Variants in MRC2 observed in about 807,000 individuals in gnomAD.
The protein encoded by MRC2 is C-type mannose receptor 2.
MRC2 carries 84 observed loss-of-function variants against 206.2 expected under a neutral mutation model. The observed-to-expected ratio is 0.41, with a 90% CI of 0.34 to 0.49. The LOEUF (loss-of-function observed/expected upper bound fraction) is 0.49, where lower values mean the gene tolerates loss of function less well. Among genes scored for constraint, MRC2 ranks in the 20% least tolerant of loss-of-function variants. The probability of loss-of-function intolerance (pLI) is 0.31; values close to 1 mark genes in which losing one functional copy is unlikely to be tolerated. For synonymous variants in MRC2, 798 were observed against 800.0 expected (o/e 1.00, Z 0.04); for missense variants, 1,676 against 2,001.5 (o/e 0.84, Z 3.10).
chr17:62,647,226 C>T (rs1471299295), intron 1 of MRC2, among the ~76,000 whole-genome samples: 1 of 150,098 alleles, frequency 6.7e-6, no homozygotes, highest in African/African-American at 2.5e-5. Context: ...CTCTATCGCC[C>T]ATGCTGGAGT....
intron 1 of MRC2, among the ~76,000 whole-genome samples, chr17:62,655,943 G>A (rs977668186): frequency 6.6e-6 from 1 of 152,084 alleles, no homozygotes; most frequent in African/African-American, 2.4e-5. Context: ...AGGCTGGAAT[G>A]CAGTGGCGTG....
At chr17:62,651,269 A>G (rs2088552914) in intron 1 of MRC2, among the ~76,000 whole-genome samples, 1 of 152,130 alleles carries the variant, frequency 6.6e-6, no homozygotes, top group African/African-American at 2.4e-5. Flanking sequence ...CTTTTAGTAG[A>G]GACAGGGTTT....
At position 62,688,644 on chromosome 17, in the gene MRC2, G is replaced by C. The variant is rs200385260; in HGVS notation, c.3205G>C (p.Ala1069Pro). The C allele has an allele frequency of 3.1e-6, 5 of 1,613,856 alleles. No individual in the cohort carries two copies. The East Asian group carries it at 1.1e-4, about 36-fold the overall frequency. ...TGGGGAGCCCTCTGGCCCTAGCCCT[G>C]CTCCCAGTGGCAACAAACCGGTGAG... is the stretch of plus-strand genomic sequence containing the variant. ...APGEPSGPSP[A>P]PSGNKPTSCA... The change falls in exon 22 of 30, where the codon GCT (alanine) becomes CCT (proline). Residue 1069 changes from alanine to proline, a missense_variant. Around this residue, in one of 3 missense-constraint regions of MRC2, gnomAD observed 1,354 missense variants for 1,636.6 expected, o/e 0.83. Transcript: ENST00000303375.
At chr17:62,673,031 G>GA (rs1173140823) in intron 8 of MRC2, among the ~76,000 whole-genome samples, 1 of 151,976 alleles carries the variant, frequency 6.6e-6, no homozygotes, top group Non-Finnish European at 1.5e-5. Flanking sequence ...AAGCCGTAGG[G>GA]ACACAGACCA....
chr17:62,669,639 C>T (rs2088802200), intron 6 of MRC2, among the ~76,000 whole-genome samples: 1 of 152,104 alleles, frequency 6.6e-6, no homozygotes, highest in Admixed American at 6.5e-5. Flanking sequence ...AAGCGATTCT[C>T]ATCTCCAGGT....
chr17:62,656,297 G>A (rs1252271056), intron 1 of MRC2, among the ~76,000 whole-genome samples: 8 of 151,842 alleles, frequency 5.3e-5, no homozygotes, highest in Non-Finnish European at 1.0e-4. Context: ...CACCCGCCTC[G>A]GCCTCCCAAA....
chr17:62,628,065 C>G, intron 1 of MRC2, 145 bp downstream of exon 1: 1 of 529,202 alleles, frequency 1.9e-6, no homozygotes, highest in Middle Eastern at 3.1e-4. Context: ...TTTTAAAACT[C>G]GTCTCCGCTT....
chr17:62,644,926 CTTCT>C (rs2088457175), intron 1 of MRC2, among the ~76,000 whole-genome samples: 1 of 152,228 alleles, frequency 6.6e-6, no homozygotes, highest in East Asian at 1.9e-4. Context: ...CGAGTTTTCT[CTTCT>C]TTATCTTTGT....
chr17:62,667,406 C>T lies in MRC2; in HGVS notation c.990C>T (p.Pro330=), dbSNP rs2088771448. Residue 330 remains proline (P), a synonymous_variant, in exon 6 of 30, where the codon CCC becomes CCT. Transcript: ENST00000303375. The surrounding 1 kb of genome is among the most constrained non-coding windows in gnomAD (Gnocchi z 4.1). ...TCCCCACAGACCAGCCGGACAACCC[C>T]AGTGAGGAGAACTGTGGAGTGATCC... is the stretch of plus-strand genomic sequence containing the variant. The part of the protein sequence containing the change: ...LNWESDQPDN[P]SEENCGVIRT... 1.9e-6 allele frequency: 3 copies of T among 1,605,982 alleles called. No individual in the cohort carries two copies. Among genetic ancestry groups the T allele is most frequent in the Non-Finnish European group, 2.5e-6 (3 of 1,177,434 alleles).
Position 62,642,284 on chromosome 17 carries a change from T to G in MRC2, c.118+14364T>G, listed in dbSNP as rs140671738. On this transcript the variant is annotated intron_variant, in intron 1 of 29. Coordinates refer to ENST00000303375, the MANE Select transcript of MRC2 (RefSeq NM_006039.5). ...AAACGTCCCACAGTCTAAATTTGTC[T>G]GATTGTTTACTCGTTCCTGGATTCA... Among the ~76,000 whole-genome samples the G allele has an allele frequency of 2.1e-3, 327 of 152,330 alleles. 1 individual carries two copies. Among genetic ancestry groups the G allele is most frequent in the African/African-American group, 7.5e-3 (310 of 41,588 alleles).
intron 1 of MRC2, among the ~76,000 whole-genome samples, chr17:62,632,991 A>C (rs1403000322): frequency 6.6e-6 from 1 of 152,150 alleles, no homozygotes; most frequent in Non-Finnish European, 1.5e-5. Context: ...ATAGGGACAG[A>C]GTCGGTGGGA....
At position 62,690,283 on chromosome 17, in the gene MRC2, G is replaced by A; in HGVS notation, c.3870G>A (p.Glu1290=). Residue 1290 remains glutamate, a synonymous_variant, in exon 26 of 30, where the codon GAG becomes GAA. Coordinates refer to ENST00000303375, the MANE Select transcript of MRC2 (RefSeq NM_006039.5). ...TGGAGCTGCTGCTGGGCCACAAGGA[G>A]GCGCGACAGCGCTGCCAGAGAGGTG... ...FHMELLLGHK[E]ARQRCQRAGG... 2 of 1,612,180 alleles carry A rather than the reference G, an allele frequency of 1.2e-6. No individual in the cohort carries two copies. The highest frequency in any genetic ancestry group is 8.5e-7 in the Non-Finnish European group (1 of 1,178,994).
At position 62,680,270 on chromosome 17, in the gene MRC2, GCGACA is replaced by G; in HGVS notation, c.2401_2405del (p.Asp801ThrfsTer39). The stretch of plus-strand genomic sequence containing the variant: ...TCCCTGCAGTGGGTGGCCATGCAGT[GCGACA>G]CACAGCTGGACTGGATCTGCAAGAT... On this transcript the variant is annotated frameshift_variant, in exon 15 of 30. Transcript: ENST00000303375. LOFTEE classifies it high-confidence loss of function. This position sits in a 1 kb window ranked among gnomAD's most constrained non-coding sequence, Gnocchi z 4.8. 6.2e-7 allele frequency: 1 copy of G among 1,614,112 alleles called. No individual in the cohort carries two copies. Among genetic ancestry groups the G allele is most frequent in the Non-Finnish European group, 8.5e-7 (1 of 1,179,994 alleles).
In MRC2 at chr17:62,672,783, G is replaced by A; in HGVS notation, c.1461+631G>A. ...GAGGCAGGCGGATCACTTGAGGTGAGGAGTTCGAGACCAGCCTGGCCAACA... is the reference window on the plus strand; with the variant it reads ...GAGGCAGGCGGATCACTTGAGGTGAAGAGTTCGAGACCAGCCTGGCCAACA... On this transcript the variant is annotated intron_variant, in intron 8 of 29. Transcript: ENST00000303375. The surrounding 1 kb of genome is among the most constrained non-coding windows in gnomAD (Gnocchi z 4.5). Among the ~76,000 whole-genome samples, 1 of 152,116 alleles carries A rather than the reference G, an allele frequency of 6.6e-6. No individual in the cohort carries two copies. Among genetic ancestry groups the A allele is most frequent in the Middle Eastern group, 3.2e-3 (1 of 316 alleles).
At chr17:62,676,251 A>G (rs2088890162) in intron 10 of MRC2, 132 bp from the exon 11 acceptor site, 2 of 1,116,808 alleles carry the variant, frequency 1.8e-6, no homozygotes, top group Non-Finnish European at 1.3e-6. Context: ...CAGGGCTCCC[A>G]GGCGTCCCTG....
chr17:62,683,616 C>A (rs1298468763), intron 20 of MRC2, among the ~76,000 whole-genome samples: 1 of 147,324 alleles, frequency 6.8e-6, no homozygotes, highest in East Asian at 2.0e-4. Context: ...GTAATCCCAG[C>A]ACTTTGGGAG....
intron 1 of MRC2, among the ~76,000 whole-genome samples, chr17:62,651,054 C>T (rs2088550121): frequency 6.6e-6 from 1 of 152,028 alleles, no homozygotes; most frequent in Non-Finnish European, 1.5e-5. Flanking sequence ...AAGATCCCTC[C>T]ATTCACAGTC....
rs1480528443 is a variant in MRC2, at chr17:62,680,854, A to G, written c.2528A>G (p.His843Arg). 6.2e-7 allele frequency: 1 copy of G among 1,612,850 alleles called. No individual in the cohort carries two copies. Among genetic ancestry groups the G allele is most frequent in the African/African-American group, 1.3e-5 (1 of 74,916 alleles). Reference sequence around the variant, plus strand: ...GCCGAGTACAAGTTCTTTGAGCACCACTCCACGTGGGCGCAGGCGCAGCGC... The same window carrying G: ...GCCGAGTACAAGTTCTTTGAGCACCGCTCCACGTGGGCGCAGGCGCAGCGC... The part of the protein sequence containing the change: ...QEAEYKFFEH[H>R]STWAQAQRIC... Residue 843 changes from histidine (H) to arginine (R), a missense_variant, in exon 17 of 30, where the codon CAC (histidine) becomes CGC (arginine). By Grantham distance (29) the His-to-Arg change is conservative. This residue lies in a region of MRC2 where 1,354 missense variants were observed against 1,636.6 expected (regional missense o/e 0.83). Transcript: ENST00000303375. This position sits in a 1 kb window ranked among gnomAD's most constrained non-coding sequence, Gnocchi z 4.8.
Position 62,679,905 on chromosome 17 carries a change from G to A in MRC2, c.2298+3G>A, listed in dbSNP as rs1457742945. 6.2e-7 allele frequency: 1 copy of A among 1,611,358 alleles called. No individual in the cohort carries two copies. The highest frequency in any genetic ancestry group is 1.3e-5 in the African/African-American group (1 of 74,890). Reference sequence around the variant, plus strand: ...GGCGCTGGAGCGACGGCGTAGGGGTGAGGGGGCCTGGGGTACTTGGGACTG... The same window carrying A: ...GGCGCTGGAGCGACGGCGTAGGGGTAAGGGGGCCTGGGGTACTTGGGACTG... On this transcript the variant is annotated splice_donor_region_variant and intron_variant, in intron 14 of 29. Coordinates refer to ENST00000303375, the MANE Select transcript of MRC2 (RefSeq NM_006039.5).
Sources: allele counts gnomAD v4.1 joint callset (sites outside exome capture counted in the v4.1 genomes callset), GRCh38; gene constraint gnomAD v4.1.1; regional missense constraint gnomAD v4.1.1; non-coding constraint Gnocchi (gnomAD v3.1); transcripts MANE v1.5; gene names NCBI Gene and HGNC (gene_info 2026-07-23, HGNC 2026-07-21).